Variants in TLE3 observed in about 807,000 individuals in gnomAD.
TLE3 encodes TLE family member 3, transcriptional corepressor.
Under a neutral mutation model 93.0 loss-of-function variants are expected in TLE3, and 14 were observed. That is an observed-to-expected ratio of 0.15 (90% CI 0.10 to 0.24). The LOEUF is 0.24. Ranked by LOEUF, TLE3 falls within the 10% of genes least tolerant of loss-of-function variation. TLE3 has a pLI of 1.00. For missense variants in TLE3, 693 were observed against 1,046.6 expected, an observed-to-expected ratio of 0.66 and a Z score of 4.66; for synonymous variants, 451 against 425.0, an observed-to-expected ratio of 1.06 and a Z score of -0.75.
intron 2 of TLE3, 41 bp downstream of exon 2, chr15:70,096,120 C>A: frequency 6.5e-7 from 1 of 1,535,610 alleles, no homozygotes; most frequent in Non-Finnish European, 8.8e-7. Context: ...AGGGGACCCA[C>A]CCCTCCCCGC....
At position 70,074,400 on chromosome 15, in the gene TLE3, T is replaced by C. The variant is rs997180189; in HGVS notation, c.372+133A>G. 9 of 1,143,622 alleles carry C rather than the reference T, an allele frequency of 7.9e-6. No individual in the cohort carries two copies. The African/African-American group carries it at 9.2e-5, about 12-fold the overall frequency. The allele number at this position is 1,143,622 out of a possible 1,614,324, so 70.8% of individuals were successfully genotyped here. On this transcript the variant is annotated intron_variant, in intron 6 of 19. Coordinates refer to ENST00000451782, the MANE Select transcript of TLE3 (RefSeq NM_001105192.3). ...ACATGGGTCCAAGCCCTTGGGGTGC[T>C]TGTAGAAGCCGGAGCCCTGGGGCCG...
At chr15:70,064,361 G>T in intron 8 of TLE3, 93 bp downstream of exon 8, 1 of 1,497,050 alleles carries the variant, frequency 6.7e-7, no homozygotes, top group Non-Finnish European at 9.2e-7. Flanking sequence ...GATACCGACT[G>T]ACTGGTCTCA....
In TLE3 at chr15:70,057,636, G is replaced by A; in HGVS notation, c.1074C>T (p.Ile358=). 6.3e-7 allele frequency: 1 copy of A among 1,581,774 alleles called. No individual in the cohort carries two copies. The highest frequency in any genetic ancestry group is 8.6e-7 in the Non-Finnish European group (1 of 1,168,162). The change falls in exon 13 of 20, where the codon ATC becomes ATT. Residue 358 remains isoleucine (I), a synonymous_variant. Transcript: ENST00000451782. ...GCGCCGCATAGGAGCTGGTGATGGAGATGGGCGTGCGCAGAGCCGAGGCTG... is the reference window on the plus strand; with the variant it reads ...GCGCCGCATAGGAGCTGGTGATGGAAATGGGCGTGCGCAGAGCCGAGGCTG... ...DPIASALRTP[I]SITSSYAAPF... is the part of the protein sequence containing the mutation.
chr15:70,066,497 T>C (rs1445147244), intron 6 of TLE3: 2 of 387,382 alleles, frequency 5.2e-6, no homozygotes, highest in African/African-American at 2.1e-5. Flanking sequence ...TCAATGTTTG[T>C]TTCCAAGCCT....
At chr15:70,094,498 A>T in intron 4 of TLE3, 34 bp downstream of exon 4, 1 of 1,494,464 alleles carries the variant, frequency 6.7e-7, no homozygotes, top group Non-Finnish European at 9.0e-7. Flanking sequence ...TTTTTAAAAA[A>T]TGAAATATAT....
Position 70,056,450 on chromosome 15 carries a change from C to T in TLE3, c.1252-76G>A, listed in dbSNP as rs1277084577. ...CCACCCCTGCCTCCTCCACCACCCA[C>T]CCGGGGTCCTACCTGCACGGCTCTG... On this transcript the variant is annotated intron_variant, in intron 13 of 19. Transcript: ENST00000451782. 4 of 1,404,778 alleles carry T rather than the reference C, an allele frequency of 2.8e-6. No homozygotes were observed. In the East Asian group the frequency reaches 6.8e-5, roughly 24 times the overall value. The allele number at this position is 1,404,778 out of a possible 1,614,324, so 87.0% of individuals were successfully genotyped here. A position where few individuals can be genotyped will look rare whatever the true frequency, so the allele number is the denominator to read the frequency against.
rs186354253 is a variant in TLE3, at chr15:70,084,266, G to A, written c.235-8108C>T. Reference sequence around the variant, plus strand: ...AACCAATAGTAATTGTTTCCCCCAAGGGATTCTGGCAATGTCTAGAGACAT... The same window carrying A: ...AACCAATAGTAATTGTTTCCCCCAAAGGATTCTGGCAATGTCTAGAGACAT... On this transcript the variant is annotated intron_variant, in intron 4 of 19. Coordinates refer to ENST00000451782, the MANE Select transcript of TLE3 (RefSeq NM_001105192.3). Among the ~76,000 whole-genome samples, 5 of 152,318 alleles carry A rather than the reference G, an allele frequency of 3.3e-5. No homozygotes were observed. In the East Asian group the frequency reaches 9.6e-4, roughly 29 times the overall value.
chr15:70,078,700 C>T (rs2057582483), intron 4 of TLE3, among the ~76,000 whole-genome samples: 1 of 152,218 alleles, frequency 6.6e-6, no homozygotes, highest in Non-Finnish European at 1.5e-5. Flanking sequence ...GGTGGGGTGG[C>T]ACCTCCAAGC....
At chr15:70,065,984 G>GCCCCCCCCCCC in intron 7 of TLE3, 30 bp downstream of exon 7, 21 of 768,780 alleles carry the variant, frequency 2.7e-5, no homozygotes, top group East Asian at 1.1e-4. Context: ...CCCCTGCCCC[G>GCCCCCCCCCCC]CCCCACCCTC....
intron 8 of TLE3, among the ~76,000 whole-genome samples, chr15:70,062,405 TC>T (rs1418348020): frequency 6.6e-6 from 1 of 152,174 alleles, no homozygotes; most frequent in Non-Finnish European, 1.5e-5. Context: ...GTGCGGCTGC[TC>T]GTGTTTCTCC....
chr15:70,052,982 C>G, intron 17 of TLE3: 3 of 493,110 alleles, frequency 6.1e-6, no homozygotes, highest in East Asian at 3.3e-5. Flanking sequence ...GGACAAAGTG[C>G]TCAATAGCAG....
intron 4 of TLE3, among the ~76,000 whole-genome samples, chr15:70,084,517 T>TG (rs1372675618): frequency 3.3e-5 from 5 of 152,238 alleles, no homozygotes; most frequent in African/African-American, 1.2e-4. Flanking sequence ...CTGGAACTGA[T>TG]GCCTGTAGTA....
rs915773979 is a variant in TLE3 at position 70,052,860 on chromosome 15, C to T, written c.1975-336G>A. 36 of 304,356 alleles carry T rather than the reference C, an allele frequency of 1.2e-4. 1 individual carries two copies. The highest frequency in any genetic ancestry group is 1.7e-4 in the Non-Finnish European group (28 of 165,632). The allele number at this position is 304,356 out of a possible 1,614,324, so 18.9% of individuals were successfully genotyped here. A position where few individuals can be genotyped will look rare whatever the true frequency, so the allele number is the denominator to read the frequency against. The stretch of plus-strand genomic sequence containing the variant: ...AATAATCCCTGGCATTTACTGAATG[C>T]TTTCTGTGAGTCGGGTTTATGGCTA... On this transcript the variant is annotated intron_variant, in intron 17 of 19. Coordinates refer to ENST00000451782, the MANE Select transcript of TLE3 (RefSeq NM_001105192.3).
At chr15:70,051,242 T>C in intron 19 of TLE3, 149 bp downstream of exon 19, 1 of 679,642 alleles carries the variant, frequency 1.5e-6, no homozygotes, top group Non-Finnish European at 2.4e-6. Flanking sequence ...TGCTCCCCTA[T>C]CAGGTAGGGG....
chr15:70,069,890 T>C (rs2057042585), intron 6 of TLE3, among the ~76,000 whole-genome samples: 1 of 152,230 alleles, frequency 6.6e-6, no homozygotes, highest in South Asian at 2.1e-4. Flanking sequence ...GCTGTATTCC[T>C]ATCCCCTGCA....
At chr15:70,080,592 T>C (rs368772084) in intron 4 of TLE3, among the ~76,000 whole-genome samples, 3 of 152,246 alleles carry the variant, frequency 2.0e-5, no homozygotes, top group South Asian at 2.1e-4. Flanking sequence ...AACAAGATAG[T>C]GGGGGGCAAG....
At chr15:70,052,841 C>A in intron 17 of TLE3, 1 of 303,290 alleles carries the variant, frequency 3.3e-6, no homozygotes, top group East Asian at 5.8e-5. Flanking sequence ...AAATAATAAT[C>A]CCTGGCATTT....
chr15:70,070,518 C>T (rs1292597040), intron 6 of TLE3, among the ~76,000 whole-genome samples: 1 of 152,184 alleles, frequency 6.6e-6, no homozygotes, highest in Non-Finnish European at 1.5e-5. Flanking sequence ...CCAAGGACAG[C>T]GAGAACAGCT....
intron 5 of TLE3, 118 bp from the exon 6 acceptor site, chr15:70,074,725 T>C (rs2057356592): frequency 4.1e-6 from 3 of 738,740 alleles, no homozygotes; most frequent in Non-Finnish European, 6.4e-6. Flanking sequence ...GGAGTCCCAC[T>C]GAACAGGCAC....
Sources: allele counts gnomAD v4.1 joint callset (sites outside exome capture counted in the v4.1 genomes callset), GRCh38; gene constraint gnomAD v4.1.1; transcripts MANE v1.5; gene names NCBI Gene and HGNC (gene_info 2026-07-23, HGNC 2026-07-21).